Variants in PIAS1 observed in about 807,000 individuals in gnomAD.
PIAS1 encodes E3 SUMO-protein ligase PIAS1.
Under a neutral mutation model 71.3 loss-of-function variants are expected in PIAS1, and 6 were observed. The ratio of observed to expected loss-of-function variants is 0.08; its 90% CI spans 0.05 to 0.17. The LOEUF (loss-of-function observed/expected upper bound fraction) is 0.17. PIAS1 is among the 10% of genes least tolerant of loss of function. The probability of loss-of-function intolerance (pLI) is 1.00; values close to 1 mark genes in which losing one functional copy is unlikely to be tolerated. For missense variants in PIAS1, 555 were observed against 793.6 expected (o/e 0.70, Z 3.61); for synonymous variants, 303 against 292.9 (o/e 1.03, Z -0.35).
At chr15:68,140,304 T>C (rs2092761548) in intron 2 of PIAS1, among the ~76,000 whole-genome samples, 1 of 152,216 alleles carries the variant, frequency 6.6e-6, no homozygotes. Context: ...GAAATTATTT[T>C]AGCACTTTTT....
At chr15:68,160,120 A>C (rs550106905) in intron 7 of PIAS1, among the ~76,000 whole-genome samples, 295 of 152,186 alleles carry the variant, frequency 1.9e-3, no homozygotes, top group Middle Eastern at 3.4e-3. Flanking sequence ...TCTTTGATGA[A>C]GTATCTGCCA....
chr15:68,081,061 G>A (rs1229092027), intron 1 of PIAS1, among the ~76,000 whole-genome samples: 3 of 152,188 alleles, frequency 2.0e-5, no homozygotes, highest in African/African-American at 7.2e-5. Flanking sequence ...GCTTGTTGAC[G>A]TTGTTTGAGT....
In PIAS1 at chr15:68,189,120, A is replaced by T. The variant is rs536866176; in HGVS notation, c.*1285A>T. ...TTAACAAGTATGACATAGGAAAGTCATTTTTTTTTAGAATTCATGGATCAG... is the reference window on the plus strand; with the variant it reads ...TTAACAAGTATGACATAGGAAAGTCTTTTTTTTTTAGAATTCATGGATCAG... On this transcript the variant is annotated 3_prime_UTR_variant, in exon 14 of 14. Coordinates refer to ENST00000249636, the MANE Select transcript of PIAS1 (RefSeq NM_016166.3). 6 of 151,392 alleles carry T rather than the reference A, an allele frequency of 4.0e-5. No individual in the cohort carries two copies. Among genetic ancestry groups the T allele is most frequent in the East Asian group, 3.9e-4 (2 of 5,176 alleles). 9.4% of individuals were successfully genotyped at this position (151,392 alleles called of 1,614,324 possible).
chr15:68,175,319 G>C (rs1390214163), intron 9 of PIAS1, among the ~76,000 whole-genome samples: 1 of 152,072 alleles, frequency 6.6e-6, no homozygotes, highest in African/African-American at 2.4e-5. Flanking sequence ...AAAGTATAAA[G>C]AAGAAAAATA....
chr15:68,177,612 T>C (rs986046686), intron 11 of PIAS1, among the ~76,000 whole-genome samples: 11 of 152,216 alleles, frequency 7.2e-5, no homozygotes, highest in African/African-American at 2.7e-4. Context: ...TTATCTACTT[T>C]GTATAAAACA....
At position 68,181,348 on chromosome 15, in the gene PIAS1, T is replaced by C. The variant is rs759496526; in HGVS notation, c.1618T>C (p.Leu540=). The C allele has an allele frequency of 5.0e-6, 8 of 1,613,490 alleles. No individual in the cohort carries two copies. In the African/African-American group the frequency reaches 9.3e-5, roughly 19 times the overall value. Residue 540 remains leucine (L), a synonymous_variant, in exon 12 of 14, where the codon TTA becomes CTA. Transcript: ENST00000249636. The part of the protein sequence containing the change: ...PFHMTPMPYD[L]QGLDFFPFLS... ...CCACATGACACCCATGCCTTACGAC[T>C]TACAAGGTGAGTCACTGGTTCTTCT...
chr15:68,181,582 A>G (rs977353375), intron 12 of PIAS1: 2 of 438,736 alleles, frequency 4.6e-6, no homozygotes, highest in African/African-American at 4.0e-5. Context: ...AACTAGTGCA[A>G]TAATCTTTAG....
intron 1 of PIAS1, among the ~76,000 whole-genome samples, chr15:68,081,502 C>CAGAT (rs2092228229): frequency 6.6e-6 from 1 of 152,022 alleles, no homozygotes; most frequent in South Asian, 2.1e-4. Flanking sequence ...GCATGAAAGG[C>CAGAT]AGATACCAGT....
chr15:68,080,254 G>A (rs1030036075), intron 1 of PIAS1, among the ~76,000 whole-genome samples: 1 of 152,210 alleles, frequency 6.6e-6, no homozygotes, highest in African/African-American at 2.4e-5. Flanking sequence ...AAAAATTAAA[G>A]CCATGGTGTA....
chr15:68,119,581 G>T (rs921876626), intron 2 of PIAS1, among the ~76,000 whole-genome samples: 1 of 152,118 alleles, frequency 6.6e-6, no homozygotes, highest in African/African-American at 2.4e-5. Context: ...ATTTGTTTTT[G>T]ACTCAGAATA....
intron 2 of PIAS1, among the ~76,000 whole-genome samples, chr15:68,104,348 T>C (rs2092452315): frequency 6.6e-6 from 1 of 152,190 alleles, no homozygotes; most frequent in African/African-American, 2.4e-5. Context: ...TATTTTCTAA[T>C]GGTTTGGGAG....
At chr15:68,147,066 T>A (rs2092812573) in intron 6 of PIAS1, among the ~76,000 whole-genome samples, 1 of 152,252 alleles carries the variant, frequency 6.6e-6, no homozygotes, top group African/African-American at 2.4e-5. Flanking sequence ...AAAGAACATT[T>A]TGAAGACCAT....
At chr15:68,098,434 T>C (rs780883083) in intron 2 of PIAS1, among the ~76,000 whole-genome samples, 3 of 152,212 alleles carry the variant, frequency 2.0e-5, no homozygotes, top group Non-Finnish European at 4.4e-5. Context: ...GATTTTCATC[T>C]TGCTGTCTAA....
intron 7 of PIAS1, 21 bp from the exon 8 acceptor site, chr15:68,164,710 T>G (rs1387382595): frequency 2.1e-6 from 3 of 1,459,082 alleles, no homozygotes; most frequent in Non-Finnish European, 2.8e-6. Flanking sequence ...GCTTTTTTTC[T>G]TCTTCTTCAA....
intron 1 of PIAS1, among the ~76,000 whole-genome samples, chr15:68,065,186 T>G (rs2092003972): frequency 6.6e-6 from 1 of 152,192 alleles, no homozygotes; most frequent in Admixed American, 6.5e-5. Flanking sequence ...GCAAAAACTT[T>G]GAAAACTTGA....
chr15:68,155,343 T>C (rs2141065397), intron 7 of PIAS1, among the ~76,000 whole-genome samples: 1 of 151,408 alleles, frequency 6.6e-6, no homozygotes, highest in East Asian at 2.0e-4. Context: ...TTACCTTACT[T>C]ATTGGCCAGG....
At position 68,181,258 on chromosome 15, in the gene PIAS1, A is replaced by G. The variant is rs755539001; in HGVS notation, c.1528A>G (p.Ser510Gly). The change falls in exon 12 of 14, where the codon AGC becomes GGC. Residue 510 changes from serine (S) to glycine (G), a missense_variant. This residue lies in a region of PIAS1 where 244 missense variants were observed against 307.5 expected (regional missense o/e 0.79). Transcript: ENST00000249636. ...AGCATCTCCAGTATCCCGCACCCCA[A>G]GCCTTCCTGCTGTAGACACAAGCTA... ...HQASPVSRTP[S>G]LPAVDTSYIN... The G allele has an allele frequency of 1.9e-6, 3 of 1,613,618 alleles. No homozygotes were observed. The highest frequency in any genetic ancestry group is 2.5e-6 in the Non-Finnish European group (3 of 1,179,654).
At chr15:68,177,992 C>G (rs1336041165) in intron 11 of PIAS1, among the ~76,000 whole-genome samples, 3 of 152,160 alleles carry the variant, frequency 2.0e-5, no homozygotes, top group Non-Finnish European at 2.9e-5. Context: ...AACACCAGAT[C>G]AAGAGCAGGC....
intron 1 of PIAS1, among the ~76,000 whole-genome samples, chr15:68,064,718 A>G (rs1353341246): frequency 6.6e-6 from 1 of 152,248 alleles, no homozygotes; most frequent in African/African-American, 2.4e-5. Flanking sequence ...TCATAAGGCT[A>G]GATTTCCTTT....
Sources: gnomAD v4.1 joint callset for allele counts (sites outside exome capture counted in the v4.1 genomes callset) on GRCh38, gnomAD v4.1.1 for gene constraint, gnomAD v4.1.1 regional missense constraint, MANE v1.5 for transcripts, NCBI Gene and HGNC (gene_info 2026-07-23, HGNC 2026-07-21) for gene names.